TMEM108: variants seen among roughly 807,000 people sequenced by gnomAD.
TMEM108 encodes cancer/testis antigen 124.
A neutral mutation model predicts 35.1 loss-of-function variants in TMEM108; 12 were observed. The ratio of observed to expected loss-of-function variants is 0.34; its 90% CI spans 0.22 to 0.55. The LOEUF (loss-of-function observed/expected upper bound fraction) is 0.55, where lower values mean the gene tolerates loss of function less well. Among genes scored for constraint, TMEM108 ranks in the 20% least tolerant of loss-of-function variants. The pLI is 0.89. For missense variants in TMEM108, 680 were observed against 753.3 expected, an observed-to-expected ratio of 0.90 and a Z score of 1.14; for synonymous variants, 287 against 308.6, an observed-to-expected ratio of 0.93 and a Z score of 0.73.
chr3:133,359,266 C>T (rs1324840179), intron 3 of TMEM108, among the ~76,000 whole-genome samples: 1 of 152,172 alleles, frequency 6.6e-6, no homozygotes, highest in Non-Finnish European at 1.5e-5. Flanking sequence ...GGAAACCCTG[C>T]TTTTTAATTC....
intron 2 of TMEM108, among the ~76,000 whole-genome samples, chr3:133,124,614 T>C (rs987120777): frequency 5.9e-5 from 9 of 152,180 alleles, no homozygotes; most frequent in African/African-American, 2.2e-4. Context: ...AGCCAGCCCC[T>C]GAGTGTGTTT....
At chr3:133,328,652 A>AAC in intron 3 of TMEM108, among the ~76,000 whole-genome samples, 1 of 152,098 alleles carries the variant, frequency 6.6e-6, no homozygotes, top group Non-Finnish European at 1.5e-5. Flanking sequence ...GCAGAGGTGG[A>AAC]TTTTCCTAAC....
chr3:133,060,782 T>G (rs1943525816), intron 2 of TMEM108, among the ~76,000 whole-genome samples: 1 of 152,160 alleles, frequency 6.6e-6, no homozygotes, highest in Non-Finnish European at 1.5e-5. Flanking sequence ...CTAGTATTTG[T>G]CTAACTGCAT....
intron 5 of TMEM108, 24 bp downstream of exon 5, chr3:133,390,358 C>T (rs761732505): frequency 6.2e-7 from 1 of 1,611,950 alleles, no homozygotes; most frequent in African/African-American, 1.3e-5. Flanking sequence ...AAGTGCTGGC[C>T]CCACTGCAGG....
In TMEM108 at chr3:133,113,505, A is replaced by G. The variant is rs573566521; in HGVS notation, c.-47+67485A>G. Among the ~76,000 whole-genome samples the G allele has an allele frequency of 2.6e-5, 4 of 152,304 alleles. No individual in the cohort carries two copies. In the South Asian group the frequency reaches 8.3e-4, roughly 32 times the overall value. On this transcript the variant is annotated intron_variant, in intron 2 of 5. Transcript: ENST00000321871. ...TGAGCCATATGAGAATGACTCTTTT[A>G]TGCATGTTTATATCATATGTCTTAT...
rs562830837 is a variant in TMEM108 at position 133,108,730 on chromosome 3, C to T, written c.-47+62710C>T. Among the ~76,000 whole-genome samples, 32 of 151,358 alleles carry T rather than the reference C, an allele frequency of 2.1e-4. No individual in the cohort carries two copies. The South Asian group carries it at 5.7e-3, about 27-fold the overall frequency. The stretch of plus-strand genomic sequence containing the variant: ...GAAACCATCATTCTCAGCAAACTAT[C>T]GCAAGGACGAAAAACCAAACACCGC... On this transcript the variant is annotated intron_variant, in intron 2 of 5. Coordinates refer to ENST00000321871, the MANE Select transcript of TMEM108 (RefSeq NM_023943.4).
intron 3 of TMEM108, among the ~76,000 whole-genome samples, chr3:133,348,618 T>C (rs2071892274): frequency 1.3e-5 from 2 of 152,160 alleles, no homozygotes; most frequent in African/African-American, 4.8e-5. Flanking sequence ...CAAGGGCCTG[T>C]GTTCCCTGAC....
intron 2 of TMEM108, among the ~76,000 whole-genome samples, chr3:133,056,806 A>G (rs1285814494): frequency 6.6e-6 from 1 of 152,210 alleles, no homozygotes; most frequent in Non-Finnish European, 1.5e-5. Flanking sequence ...ATTGACAGCA[A>G]TTTCATGGCC....
intron 2 of TMEM108, among the ~76,000 whole-genome samples, chr3:133,135,533 C>T (rs7648391): frequency 3.4e-4 from 52 of 152,128 alleles, no homozygotes; most frequent in South Asian, 1.2e-3. Flanking sequence ...TGGGCTGTGA[C>T]GAGCCTTAAA....
At chr3:133,050,978 G>GTTTT (rs58955436) in intron 2 of TMEM108, among the ~76,000 whole-genome samples, 1 of 145,366 alleles carries the variant, frequency 6.9e-6, no homozygotes, top group African/African-American at 2.5e-5. Flanking sequence ...CTGTGTGCGA[G>GTTTT]TTTTTTTTTT....
chr3:133,095,982 G>A (rs941716288), intron 2 of TMEM108, among the ~76,000 whole-genome samples: 9 of 152,188 alleles, frequency 5.9e-5, no homozygotes, highest in African/African-American at 9.6e-5. Flanking sequence ...CAACAGCAGC[G>A]TTTTAATTTT....
chr3:133,188,491 G>GT (rs11389406), intron 2 of TMEM108, among the ~76,000 whole-genome samples: 2,605 of 148,636 alleles, frequency 0.018, 98 homozygotes, highest in African/African-American at 0.06. Flanking sequence ...TTTTATTTAT[G>GT]TTTTTGGCCA....
chr3:133,297,101 G>A (rs908775083), intron 3 of TMEM108, among the ~76,000 whole-genome samples: 1 of 152,194 alleles, frequency 6.6e-6, no homozygotes, highest in African/African-American at 2.4e-5. Flanking sequence ...TTAAATGCAT[G>A]CAGATACGCT....
intron 3 of TMEM108, among the ~76,000 whole-genome samples, chr3:133,262,217 T>C (rs1303015225): frequency 6.6e-6 from 1 of 152,246 alleles, no homozygotes; most frequent in African/African-American, 2.4e-5. Flanking sequence ...TTCTCACTGG[T>C]ATTTTTTCAA....
At chr3:133,334,271 C>T (rs1001445779) in intron 3 of TMEM108, among the ~76,000 whole-genome samples, 2 of 151,974 alleles carry the variant, frequency 1.3e-5, no homozygotes, top group African/African-American at 2.4e-5. Context: ...GTATTTCTGC[C>T]GTGAAGGATC....
chr3:133,232,466 G>T lies in TMEM108; in HGVS notation c.40+3115G>T, dbSNP rs569797114. On this transcript the variant is annotated intron_variant, in intron 3 of 5. Coordinates refer to ENST00000321871, the MANE Select transcript of TMEM108 (RefSeq NM_023943.4). ...AGGCCCTTATCAGATGCAGATGCTG[G>T]TGCCGTGCTTCTTGTTTAGCCTGCA... Among the ~76,000 whole-genome samples the T allele has an allele frequency of 9.2e-5, 14 of 152,222 alleles. No homozygotes were observed. The East Asian group carries it at 2.7e-3, about 29-fold the overall frequency.
intron 3 of TMEM108, among the ~76,000 whole-genome samples, chr3:133,230,053 G>T (rs1946129912): frequency 6.6e-6 from 1 of 152,192 alleles, no homozygotes; most frequent in Non-Finnish European, 1.5e-5. Flanking sequence ...TGATGTTCCA[G>T]TTAACCCACT....
At chr3:133,131,053 G>A (rs1944484081) in intron 2 of TMEM108, among the ~76,000 whole-genome samples, 1 of 152,140 alleles carries the variant, frequency 6.6e-6, no homozygotes, top group Admixed American at 6.5e-5. Context: ...TAGTGTTCCT[G>A]AATTGTCATC....
intron 3 of TMEM108, among the ~76,000 whole-genome samples, chr3:133,377,046 A>G (rs1708386): frequency 0.092 from 13,922 of 152,134 alleles, 1,074 homozygotes; most frequent in East Asian, 0.36. Flanking sequence ...CTCTGTGCAC[A>G]CGTGCTCCAG....
Sources: allele counts gnomAD v4.1 joint callset (sites outside exome capture counted in the v4.1 genomes callset), GRCh38; gene constraint gnomAD v4.1.1; transcripts MANE v1.5; gene names NCBI Gene and HGNC (gene_info 2026-07-23, HGNC 2026-07-21).